Variants in PLCH2 observed in about 807,000 individuals in gnomAD.
PLCH2 encodes the protein phospholipase C eta 2, also known as 1-phosphatidylinositol 4,5-bisphosphate phosphodiesterase eta-2.
In PLCH2, 98 loss-of-function variants were observed where a neutral mutation model predicts 134.7. The observed-to-expected ratio is 0.73, with a 90% CI of 0.62 to 0.86. The LOEUF is 0.86. PLCH2 is among the 40% of genes least tolerant of loss of function. The pLI is 0.00. For missense variants in PLCH2, 1,994 were observed against 1,986.6 expected (o/e 1.00, Z -0.07); for synonymous variants, 974 against 827.5 (o/e 1.18, Z -3.04).
rs1389669268 is a variant in PLCH2, at chr1:2,489,244, G to A, written c.1273G>A (p.Val425Ile). ...CCTGTCCATCGAAAACCACTGCAGT[G>A]TCATCCAGCAGAAGAAAATGGCCCA... Reference protein sequence around the residue: ...VILSIENHCSVIQQKKMAQYL... With the variant: ...VILSIENHCSIIQQKKMAQYL... The change falls in exon 9 of 22, where the codon GTC becomes ATC. Residue 425 changes from valine to isoleucine, a missense_variant. This residue lies in a region of PLCH2 where 1,094 missense variants were observed against 1,234.3 expected (regional missense o/e 0.89). Coordinates refer to ENST00000378486, the MANE Select transcript of PLCH2 (RefSeq NM_014638.4). 4.3e-6 allele frequency: 7 copies of A among 1,613,774 alleles called. No individual in the cohort carries two copies. In the African/African-American group the frequency reaches 8.0e-5, roughly 18 times the overall value.
upstream of PLCH2, among the ~76,000 whole-genome samples, chr1:2,462,633 G>A (rs1195241816): frequency 1.3e-5 from 2 of 152,128 alleles, no homozygotes; most frequent in Non-Finnish European, 2.9e-5. Flanking sequence ...TCAGCCAGGC[G>A]ATGTGCTCCT....
Position 2,484,434 on chromosome 1 carries a change from G to A in PLCH2, c.646-14G>A, listed in dbSNP as rs778650961. ...GTCGAGGTGCCAATGGGGACCCAAG[G>A]CCTTGCATTGCAGGAAGCGGACACG... is the stretch of plus-strand genomic sequence containing the variant. On this transcript the variant is annotated splice_polypyrimidine_tract_variant and intron_variant, in intron 4 of 21. Transcript: ENST00000378486. The A allele has an allele frequency of 6.2e-7, 1 of 1,612,726 alleles. No individual in the cohort carries two copies.
chr1:2,489,410 TCA>T lies in PLCH2; in HGVS notation c.1407+37_1407+38del, dbSNP rs554793382. 117 of 1,607,642 alleles carry T rather than the reference TCA, an allele frequency of 7.3e-5. 1 individual carries two copies. The highest frequency in any genetic ancestry group is 5.0e-4 in the Middle Eastern group (3 of 6,046). On this transcript the variant is annotated intron_variant, in intron 9 of 21. Coordinates refer to ENST00000378486, the MANE Select transcript of PLCH2 (RefSeq NM_014638.4). ...GAGCCCCTGCCCTCCTGGGACCAGC[TCA>T]CACAGAGTCTCGGGCCTGCAGCAGT... is the stretch of plus-strand genomic sequence containing the variant.
intron 2 of PLCH2, among the ~76,000 whole-genome samples, chr1:2,434,134 C>T (rs1054694699): frequency 1.3e-5 from 2 of 152,380 alleles, no homozygotes; most frequent in African/African-American, 4.8e-5. Flanking sequence ...TGTATGTGCA[C>T]CGAGCTCTTT....
intron 20 of PLCH2, chr1:2,500,508 C>T (rs1296645774): frequency 6.6e-6 from 1 of 152,482 alleles, no homozygotes; most frequent in South Asian, 2.1e-4. Flanking sequence ...TTGCAGTCGG[C>T]TTCTCTATGG....
intron 1 of PLCH2, among the ~76,000 whole-genome samples, chr1:2,427,239 G>T (rs927618932): frequency 4.6e-5 from 7 of 152,322 alleles, no homozygotes; most frequent in African/African-American, 1.7e-4. Flanking sequence ...GCAGTGGGCT[G>T]CAGTGGGGCG....
intron 1 of PLCH2, among the ~76,000 whole-genome samples, chr1:2,468,313 G>A (rs1351785969): frequency 6.6e-6 from 1 of 152,268 alleles, no homozygotes; most frequent in East Asian, 1.9e-4. Context: ...CTCCGGGTTG[G>A]AGATTTCTTG....
Position 2,504,240 on chromosome 1 carries a change from G to T in PLCH2, c.3278G>T (p.Arg1093Met). The T allele has an allele frequency of 6.3e-7, 1 of 1,581,730 alleles. No individual in the cohort carries two copies. Among genetic ancestry groups the T allele is most frequent in the Non-Finnish European group, 8.6e-7 (1 of 1,165,360 alleles). The change falls in exon 22 of 22, where the codon AGG (arginine) becomes ATG (methionine). Residue 1093 changes from arginine (R) to methionine (M), a missense_variant. Transcript: ENST00000378486. ...CTGGGCCACCTGCCCGTGATTAGAA[G>T]GGTGAAGAGTGAGGGGCAGGTGCCC... ...RTLGHLPVIR[R>M]VKSEGQVPTE...
At chr1:2,499,766 C>T (rs1387005598) in intron 20 of PLCH2, 46 bp downstream of exon 20, 2 of 1,414,928 alleles carry the variant, frequency 1.4e-6, no homozygotes, top group East Asian at 2.5e-5. Context: ...AGGGGCCACA[C>T]CAGCCCCTTG....
At position 2,470,166 on chromosome 1, in the gene PLCH2, C is replaced by T. The variant is rs557306748; in HGVS notation, c.43+2504C>T. Among the ~76,000 whole-genome samples the T allele has an allele frequency of 4.0e-4, 61 of 152,356 alleles. No individual in the cohort carries two copies. In the South Asian group the frequency reaches 0.012, roughly 30 times the overall value. On this transcript the variant is annotated intron_variant, in intron 1 of 21. Transcript: ENST00000449969. The stretch of plus-strand genomic sequence containing the variant: ...CACACCTCTGAGGGACTTGAGTGGT[C>T]TTGATTTCACATTGATCAGGCCCCT...
upstream of PLCH2, among the ~76,000 whole-genome samples, chr1:2,424,168 T>G (rs973880843): frequency 1.3e-5 from 2 of 152,252 alleles, no homozygotes; most frequent in Non-Finnish European, 2.9e-5. Context: ...TAAATCAAGC[T>G]AATTAACATA....
intron 20 of PLCH2, chr1:2,501,058 G>A (rs987619051): frequency 6.6e-6 from 1 of 151,922 alleles, no homozygotes; most frequent in Admixed American, 6.5e-5. Flanking sequence ...CCGGCGCTCC[G>A]AGCCAGAATC....
At chr1:2,446,998 C>T (rs1315957831) in intron 2 of PLCH2, among the ~76,000 whole-genome samples, 1 of 152,212 alleles carries the variant, frequency 6.6e-6, no homozygotes, top group Non-Finnish European at 1.5e-5. Flanking sequence ...AGGGTACCCA[C>T]CCCAGCCTCA....
chr1:2,465,137 C>T (rs189313123), upstream of PLCH2, among the ~76,000 whole-genome samples: 250 of 152,310 alleles, frequency 1.6e-3, 1 homozygote, highest in Non-Finnish European at 2.8e-3. Context: ...GAACCTAGGG[C>T]TGTGGGCCAA....
chr1:2,463,514 A>G (rs540162823), upstream of PLCH2, among the ~76,000 whole-genome samples: 9 of 152,328 alleles, frequency 5.9e-5, no homozygotes, highest in East Asian at 7.7e-4. Context: ...CCTTGGAGAC[A>G]TATGTAGGAC....
At chr1:2,497,287 G>T (rs1268551746) in intron 15 of PLCH2, among the ~76,000 whole-genome samples, 1 of 152,278 alleles carries the variant, frequency 6.6e-6, no homozygotes, top group Non-Finnish European at 1.5e-5. Flanking sequence ...CTGCGAGGCT[G>T]GCTGCGCCAG....
rs563894059 is a variant in PLCH2 at position 2,502,305 on chromosome 1, G to T, written c.2855G>T (p.Arg952Leu). 6.5e-7 allele frequency: 1 copy of T among 1,535,996 alleles called. No individual in the cohort carries two copies. The highest frequency in any genetic ancestry group is 8.8e-7 in the Non-Finnish European group (1 of 1,141,890). ...TTCCCGGAGCTGGTCCTGGGTACAC[G>T]GGACACAGGCTCCAAGGGGGTGGCA... ...RGFPELVLGT[R>L]DTGSKGVADD... The change falls in exon 21 of 22, where the codon CGG (arginine) becomes CTG (leucine). Residue 952 changes from arginine (R) to leucine (L), a missense_variant. This residue lies in a region of PLCH2 where 900 missense variants were observed against 752.3 expected (regional missense o/e 1.20). Transcript: ENST00000378486.
intron 1 of PLCH2, among the ~76,000 whole-genome samples, chr1:2,468,268 T>C (rs746520960): frequency 1.3e-5 from 2 of 152,252 alleles, no homozygotes; most frequent in Non-Finnish European, 2.9e-5. Flanking sequence ...CAGGGTTCCC[T>C]GGAGTTACAC....
chr1:2,445,254 A>C (rs569637866), intron 2 of PLCH2, among the ~76,000 whole-genome samples: 24 of 152,098 alleles, frequency 1.6e-4, no homozygotes, highest in Admixed American at 1.2e-3. Flanking sequence ...CCCTTCCCTG[A>C]GGCTGAACGC....
Sources: allele counts gnomAD v4.1 joint callset (sites outside exome capture counted in the v4.1 genomes callset), GRCh38; gene constraint gnomAD v4.1.1; regional missense constraint gnomAD v4.1.1; transcripts MANE v1.5; gene names NCBI Gene and HGNC (gene_info 2026-07-23, HGNC 2026-07-21).